The following INPP5F variants were observed in gnomAD, a reference collection of about 807,000 sequenced individuals.
INPP5F encodes the protein phosphatidylinositide 4-phosphatase SAC2.
Under a neutral mutation model 137.2 loss-of-function variants are expected in INPP5F, and 97 were observed. That is an observed-to-expected ratio of 0.71 (90% confidence interval 0.60 to 0.84). The LOEUF is 0.84. INPP5F is among the 40% of genes least tolerant of loss of function. The pLI is 0.00. For missense variants in INPP5F, 1,271 were observed against 1,371.9 expected, an observed-to-expected ratio of 0.93 and a Z score of 1.16; for synonymous variants, 504 against 476.9, an observed-to-expected ratio of 1.06 and a Z score of -0.74.
chr10:119,809,383 C>T (rs1483530176), intron 13 of INPP5F, among the ~76,000 whole-genome samples: 1 of 152,040 alleles, frequency 6.6e-6, no homozygotes, highest in African/African-American at 2.4e-5. Flanking sequence ...TGAGACTGAC[C>T]TAATTGGCAG....
At chr10:119,753,774 A>G (rs1482557749) in intron 2 of INPP5F, among the ~76,000 whole-genome samples, 3 of 152,248 alleles carry the variant, frequency 2.0e-5, no homozygotes, top group African/African-American at 7.2e-5. Flanking sequence ...GCAAGTGCTT[A>G]GTAAATTGTA....
At chr10:119,776,785 C>T (rs560746873) in intron 2 of INPP5F, among the ~76,000 whole-genome samples, 14 of 151,986 alleles carry the variant, frequency 9.2e-5, no homozygotes, top group Admixed American at 3.9e-4. Flanking sequence ...TAGTCTTGCT[C>T]TGTCATCCAG....
chr10:119,755,030 T>C (rs994215406), intron 2 of INPP5F, among the ~76,000 whole-genome samples: 1 of 152,232 alleles, frequency 6.6e-6, no homozygotes, highest in Admixed American at 6.5e-5. Flanking sequence ...CAAATTTTTC[T>C]TCTCACCTAG....
chr10:119,747,618 A>G (rs1848575821), intron 1 of INPP5F, among the ~76,000 whole-genome samples: 1 of 152,214 alleles, frequency 6.6e-6, no homozygotes, highest in Non-Finnish European at 1.5e-5. Context: ...ACAATTTGGT[A>G]TTATTTGAGA....
intron 3 of INPP5F, among the ~76,000 whole-genome samples, chr10:119,786,831 A>AT (rs949468354): frequency 8.6e-5 from 13 of 152,004 alleles, no homozygotes; most frequent in Non-Finnish European, 1.6e-4. Context: ...GTAATTTTAG[A>AT]TTTTTATTTA....
intron 1 of INPP5F, among the ~76,000 whole-genome samples, chr10:119,738,989 C>T (rs1848298409): frequency 6.7e-6 from 1 of 149,864 alleles, no homozygotes; most frequent in African/African-American, 2.5e-5. Flanking sequence ...TGAGACCAGG[C>T]TGGGCAATAT....
chr10:119,751,323 T>A (rs985068578), intron 2 of INPP5F, among the ~76,000 whole-genome samples, 167 bp downstream of exon 2: 1 of 152,226 alleles, frequency 6.6e-6, no homozygotes, highest in Non-Finnish European at 1.5e-5. Context: ...TCTACTCTTA[T>A]GGAGCTTACA....
At chr10:119,764,610 C>G (rs1389606274) in intron 2 of INPP5F, among the ~76,000 whole-genome samples, 1 of 144,380 alleles carries the variant, frequency 6.9e-6, no homozygotes, top group Non-Finnish European at 1.5e-5. Flanking sequence ...AGATGGAGTT[C>G]CGCTGTTGTT....
chr10:119,742,576 A>G (rs1848408381), intron 1 of INPP5F, among the ~76,000 whole-genome samples: 1 of 152,218 alleles, frequency 6.6e-6, no homozygotes, highest in Non-Finnish European at 1.5e-5. Context: ...CTCCAATAGG[A>G]CTTGGCAAGA....
intron 6 of INPP5F, 88 bp downstream of exon 6, chr10:119,792,301 TTTTTTAATTATATTAAGATACA>T: frequency 1.1e-6 from 1 of 907,536 alleles, no homozygotes; most frequent in Non-Finnish European, 1.7e-6. Context: ...TAAGCAAATG[TTTTTTAATTATATTAAGATACA>T]TTTTTAAAGA....
At chr10:119,743,676 A>G (rs1848442473) in intron 1 of INPP5F, among the ~76,000 whole-genome samples, 1 of 151,726 alleles carries the variant, frequency 6.6e-6, no homozygotes, top group Non-Finnish European at 1.5e-5. Context: ...GGGGATGGAA[A>G]GGACTAGCCT....
intron 2 of INPP5F, among the ~76,000 whole-genome samples, chr10:119,780,929 G>C (rs754422471): frequency 6.6e-6 from 1 of 152,142 alleles, no homozygotes; most frequent in Non-Finnish European, 1.5e-5. Flanking sequence ...GTATCCACGG[G>C]GGGTCCTGGA....
chr10:119,806,315 C>T, intron 11 of INPP5F, 45 bp from the exon 12 acceptor site: 1 of 1,347,304 alleles, frequency 7.4e-7, no homozygotes, highest in Non-Finnish European at 1.0e-6. Context: ...TTTGAAAACC[C>T]TATTATTTTA....
At chr10:119,794,627 G>C (rs71500898) in intron 6 of INPP5F, among the ~76,000 whole-genome samples, 33,089 of 130,596 alleles carry the variant, frequency 0.25, 4,357 homozygotes, top group Middle Eastern at 0.32. Flanking sequence ...CTCCCGTACG[G>C]GGCGGCTGGC....
In INPP5F at chr10:119,826,723, T is replaced by A. The variant is rs772284443; in HGVS notation, c.2342T>A (p.Phe781Tyr). 12 of 1,613,300 alleles carry A rather than the reference T, an allele frequency of 7.4e-6. No homozygotes were observed. Among genetic ancestry groups the A allele is most frequent in the Non-Finnish European group, 9.3e-6 (11 of 1,179,744 alleles). Residue 781 changes from phenylalanine to tyrosine, a missense_variant, in exon 20 of 20, where the codon TTT (phenylalanine) becomes TAT (tyrosine). By Grantham distance (22) the Phe-to-Tyr change is conservative. This residue lies in a region of INPP5F where 490 missense variants were observed against 443.7 expected (regional missense o/e 1.10). Coordinates refer to ENST00000650623, the MANE Select transcript of INPP5F (RefSeq NM_014937.4). Reference sequence around the variant, plus strand: ...GGAAAGAATTTTTTAATGAGCAAATTTTCATCTCTAAATCAAAAAGTGAAG... The same window carrying A: ...GGAAAGAATTTTTTAATGAGCAAATATTCATCTCTAAATCAAAAAGTGAAG... ...AQGKNFLMSKFSSLNQKVKQT... is the reference protein window; with the variant it reads ...AQGKNFLMSKYSSLNQKVKQT...
chr10:119,803,879 A>G (rs2134238737), intron 9 of INPP5F, among the ~76,000 whole-genome samples: 1 of 152,290 alleles, frequency 6.6e-6, no homozygotes, highest in African/African-American at 2.4e-5. Flanking sequence ...TGCTGTTACA[A>G]AGGACCTTGT....
rs1329815216 is a variant in INPP5F, at chr10:119,806,317, A to G, written c.1320-43A>G. ...AAGAATTGTGTCTTTTGAAAACCCT[A>G]TTATTTTATATTGTAAAATAATTCT... On this transcript the variant is annotated intron_variant, in intron 11 of 19. Coordinates refer to ENST00000650623, the MANE Select transcript of INPP5F (RefSeq NM_014937.4). The G allele has an allele frequency of 1.3e-5, 17 of 1,347,642 alleles. No individual in the cohort carries two copies. The East Asian group carries it at 3.7e-4, about 30-fold the overall frequency. 83.5% of individuals were successfully genotyped at this position (1,347,642 alleles called of 1,614,324 possible).
At chr10:119,734,659 A>G (rs999489914) in intron 1 of INPP5F, among the ~76,000 whole-genome samples, 5 of 152,220 alleles carry the variant, frequency 3.3e-5, no homozygotes, top group African/African-American at 7.2e-5. Context: ...TATTGATTCA[A>G]TACATTCTCA....
rs138457880 is a variant in INPP5F at position 119,774,637 on chromosome 10, G to A, written c.179-6998G>A. Among the ~76,000 whole-genome samples the A allele has an allele frequency of 3.2e-4, 49 of 151,702 alleles. No individual in the cohort carries two copies. The East Asian group carries it at 8.5e-3, about 26-fold the overall frequency. ...CTCCCGACCTAGACATTTCTTAATT[G>A]GAATTAGTCCCAGAAACTTTATTGC... On this transcript the variant is annotated intron_variant, in intron 2 of 19. Transcript: ENST00000650623.
Sources: gnomAD v4.1 joint callset for allele counts (sites outside exome capture counted in the v4.1 genomes callset) on GRCh38, gnomAD v4.1.1 for gene constraint, gnomAD v4.1.1 regional missense constraint, MANE v1.5 for transcripts, NCBI Gene and HGNC (gene_info 2026-07-23, HGNC 2026-07-21) for gene names.